Variants in CALD1 observed in about 807,000 individuals in gnomAD.
CALD1 encodes the protein caldesmon 1.
A neutral mutation model predicts 99.9 loss-of-function variants in CALD1; 33 were observed. The ratio of observed to expected loss-of-function variants is 0.33; its 90% CI spans 0.25 to 0.44. CALD1 has a LOEUF of 0.44. CALD1 is among the 20% of genes least tolerant of loss of function. The probability of loss-of-function intolerance (pLI) is 1.00; values close to 1 mark genes in which losing one functional copy is unlikely to be tolerated. For missense variants in CALD1, 861 were observed against 962.1 expected, an observed-to-expected ratio of 0.89 and a Z score of 1.39; for synonymous variants, 310 against 325.0, an observed-to-expected ratio of 0.95 and a Z score of 0.50.
chr7:134,715,925 C>T, the CALD1 span, among the ~76,000 whole-genome samples: 26 of 152,202 alleles, frequency 1.7e-4, 1 homozygote, highest in Admixed American at 8.5e-4. Flanking sequence ...AATAGTTTTA[C>T]GATGCCTGCC....
chr7:134,863,061 G>A (rs1331929466), intron 2 of CALD1, among the ~76,000 whole-genome samples: 1 of 152,018 alleles, frequency 6.6e-6, no homozygotes, highest in Non-Finnish European at 1.5e-5. Context: ...CTGTCTCTGT[G>A]CCAAATTTCC....
chr7:134,963,199 A>G (rs1295797724), intron 13 of CALD1, among the ~76,000 whole-genome samples: 1 of 152,200 alleles, frequency 6.6e-6, no homozygotes, highest in Non-Finnish European at 1.5e-5. Context: ...AGTTTCCAAA[A>G]TTTTAAAACA....
intron 2 of CALD1, among the ~76,000 whole-genome samples, chr7:134,854,257 T>C (rs886835299): frequency 6.6e-6 from 1 of 152,198 alleles, no homozygotes; most frequent in African/African-American, 2.4e-5. Flanking sequence ...CAAATGGTAT[T>C]TCTAGTTCTA....
At chr7:134,721,202 AG>A in the CALD1 span, among the ~76,000 whole-genome samples, 2 of 152,110 alleles carry the variant, frequency 1.3e-5, no homozygotes, top group Non-Finnish European at 2.9e-5. Context: ...TGTTCCCCTT[AG>A]GGGTGCAAGA....
At chr7:134,763,630 T>C (rs1261634233) in intron 1 of CALD1, among the ~76,000 whole-genome samples, 5 of 152,062 alleles carry the variant, frequency 3.3e-5, no homozygotes, top group Non-Finnish European at 7.4e-5. Context: ...CAGAATATAT[T>C]TCCCACTAGC....
the CALD1 span, among the ~76,000 whole-genome samples, chr7:134,737,833 C>T: frequency 6.6e-6 from 1 of 152,178 alleles, no homozygotes. Context: ...TTCTGCCAGC[C>T]ATTCCAAAAT....
chr7:134,857,429 T>A (rs1056937705), intron 2 of CALD1, among the ~76,000 whole-genome samples: 1 of 151,728 alleles, frequency 6.6e-6, no homozygotes, highest in Non-Finnish European at 1.5e-5. Context: ...AGTGCTGGGA[T>A]TACAAGCGTG....
intron 1 of CALD1, among the ~76,000 whole-genome samples, chr7:134,751,920 G>A (rs1796688961): frequency 6.6e-6 from 1 of 152,112 alleles, no homozygotes; most frequent in Non-Finnish European, 1.5e-5. Context: ...AGGTTGCAGT[G>A]AGCCGAGATC....
chr7:134,912,487 C>T (rs946443767), intron 3 of CALD1, among the ~76,000 whole-genome samples: 37 of 152,310 alleles, frequency 2.4e-4, no homozygotes, highest in Admixed American at 2.2e-3. Context: ...TGCTTGTGAA[C>T]GCAGACCAGT....
chr7:134,711,537 C>T, the CALD1 span, among the ~76,000 whole-genome samples: 2 of 151,982 alleles, frequency 1.3e-5, no homozygotes, highest in Non-Finnish European at 2.9e-5. Flanking sequence ...CCAGCTCTTC[C>T]CTGGTCTCCA....
intron 3 of CALD1, among the ~76,000 whole-genome samples, chr7:134,913,259 T>A (rs573345526): frequency 6.6e-6 from 1 of 151,888 alleles, no homozygotes; most frequent in South Asian, 2.1e-4. Context: ...AGAGTGAATC[T>A]CCATCTCAAA....
At chr7:134,935,597 C>G (rs539592509) in intron 5 of CALD1, 91 bp from the exon 6 acceptor site, 1 of 1,513,110 alleles carries the variant, frequency 6.6e-7, no homozygotes, top group Non-Finnish European at 8.8e-7. Flanking sequence ...CCACGCAGCA[C>G]TTGCAAGGCG....
intron 2 of CALD1, among the ~76,000 whole-genome samples, chr7:134,855,112 A>G (rs1011072264): frequency 2.6e-5 from 4 of 152,298 alleles, no homozygotes; most frequent in East Asian, 1.9e-4. Flanking sequence ...TCATGATCCA[A>G]TTAAAGTCTT....
intron 1 of CALD1, among the ~76,000 whole-genome samples, chr7:134,774,087 T>C (rs1175428095): frequency 6.6e-6 from 1 of 151,534 alleles, no homozygotes; most frequent in Non-Finnish European, 1.5e-5. Flanking sequence ...GGAGAATTGA[T>C]TGAACCCAGG....
At chr7:134,715,979 T>G in the CALD1 span, among the ~76,000 whole-genome samples, 6 of 152,170 alleles carry the variant, frequency 3.9e-5, no homozygotes, top group African/African-American at 1.4e-4. Context: ...TTATTATACT[T>G]TAAGTTTTAG....
chr7:134,887,241 G>A (rs11974956), intron 3 of CALD1, among the ~76,000 whole-genome samples: 7,508 of 152,230 alleles, frequency 0.049, 206 homozygotes, highest in African/African-American at 0.073. Flanking sequence ...AAGTGAACAC[G>A]TTCAACGCCA....
intron 3 of CALD1, among the ~76,000 whole-genome samples, chr7:134,906,719 A>T (rs1179667959): frequency 6.6e-6 from 1 of 152,202 alleles, no homozygotes; most frequent in Non-Finnish European, 1.5e-5. Flanking sequence ...CAAGCAGTAA[A>T]ATTGAGCAGG....
intron 3 of CALD1, among the ~76,000 whole-genome samples, chr7:134,874,622 A>C (rs1801262146): frequency 6.6e-6 from 1 of 152,186 alleles, no homozygotes; most frequent in African/African-American, 2.4e-5. Flanking sequence ...TGCTTTCTGC[A>C]CCCAACATGA....
intron 1 of CALD1, among the ~76,000 whole-genome samples, chr7:134,755,790 G>A (rs1201255779): frequency 6.6e-6 from 1 of 151,966 alleles, no homozygotes; most frequent in African/African-American, 2.4e-5. Context: ...CTTTTCCTTT[G>A]TGTTGTTTGC....
Sources: gnomAD v4.1 joint callset for allele counts (sites outside exome capture counted in the v4.1 genomes callset) on GRCh38, gnomAD v4.1.1 for gene constraint, MANE v1.5 for transcripts, NCBI Gene and HGNC (gene_info 2026-07-23, HGNC 2026-07-21) for gene names.